The following FGFR2 variants were observed in gnomAD, a reference collection of about 807,000 sequenced individuals.
FGFR2 encodes the protein BEK fibroblast growth factor receptor.
Under a neutral mutation model 95.9 loss-of-function variants are expected in FGFR2, and 19 were observed. The ratio of observed to expected loss-of-function variants is 0.20; its 90% confidence interval spans 0.14 to 0.29. FGFR2 has a LOEUF of 0.29. Among genes scored for constraint, FGFR2 ranks in the 10% least tolerant of loss-of-function variants. The pLI is 1.00. For synonymous variants in FGFR2, 392 were observed against 393.3 expected, an observed-to-expected ratio of 1.00 and a Z score of 0.04; for missense variants, 707 against 1,056.9, an observed-to-expected ratio of 0.67 and a Z score of 4.59.
Position 121,593,722 on chromosome 10 carries a change from T to C in FGFR2, c.96A>G (p.Thr32=), listed in dbSNP as rs769369328. ...TAAATGACTTACCTTCTGGCTCTAA[T>C]GTGGTATCCTCAACTAAACTGAAGG... ...RPSFSLVEDT[T]LEPEEPPTKY... is the part of the protein sequence containing the mutation. The change falls in exon 2 of 18, where the codon ACA becomes ACG. Residue 32 remains threonine, a synonymous_variant. Transcript: ENST00000358487. 3.7e-6 allele frequency: 6 copies of C among 1,614,086 alleles called. No homozygotes were observed. The highest frequency in any genetic ancestry group is 5.1e-6 in the Non-Finnish European group (6 of 1,179,928).
intron 6 of FGFR2, among the ~76,000 whole-genome samples, chr10:121,524,209 C>T (rs534795092): frequency 3.2e-4 from 49 of 151,644 alleles, no homozygotes; most frequent in African/African-American, 1.1e-3. Flanking sequence ...AAATGTTACA[C>T]GCTTGCAGTC....
intron 2 of FGFR2, among the ~76,000 whole-genome samples, chr10:121,582,686 G>A (rs1861128593): frequency 2.0e-5 from 3 of 152,148 alleles, no homozygotes; most frequent in Non-Finnish European, 4.4e-5. Flanking sequence ...TAGACGCTGA[G>A]GCAGGAGAAT....
intron 2 of FGFR2, among the ~76,000 whole-genome samples, chr10:121,577,131 T>C (rs1202676749): frequency 8.5e-5 from 1 of 11,774 alleles, no homozygotes; most frequent in Non-Finnish European, 1.3e-4. Flanking sequence ...CGAGACTCCA[T>C]CTCAAAAAAA....
chr10:121,534,391 C>T (rs1480431933), intron 6 of FGFR2, among the ~76,000 whole-genome samples: 5 of 150,298 alleles, frequency 3.3e-5, no homozygotes, highest in South Asian at 2.1e-4. Flanking sequence ...GCCACCGCGC[C>T]CGGCTTTCTT....
At chr10:121,571,819 T>C (rs1590040879) in intron 2 of FGFR2, among the ~76,000 whole-genome samples, 2 of 151,810 alleles carry the variant, frequency 1.3e-5, no homozygotes, top group South Asian at 4.2e-4. Flanking sequence ...GGCGCATGCC[T>C]ATAGTCCCAG....
intron 9 of FGFR2, among the ~76,000 whole-genome samples, chr10:121,504,749 T>G (rs956345076): frequency 6.6e-6 from 1 of 152,196 alleles, no homozygotes; most frequent in African/African-American, 2.4e-5. Context: ...GTTACTTTCT[T>G]GTTTATCCTG....
chr10:121,577,815 A>T lies in FGFR2; in HGVS notation c.110-12111T>A, dbSNP rs535794377. 3.9e-5 allele frequency among the ~76,000 whole-genome samples: 6 copies of T among 152,082 alleles called. No individual in the cohort carries two copies. The South Asian group carries it at 1.2e-3, about 32-fold the overall frequency. On this transcript the variant is annotated intron_variant, in intron 2 of 17. Coordinates refer to ENST00000358487, the MANE Select transcript of FGFR2 (RefSeq NM_000141.5). Reference sequence around the variant, plus strand: ...CGGGGGGAGGAAATACATAACCTGGATGTCTACAGAGGTCGTATCCAAAAC... The same window carrying T: ...CGGGGGGAGGAAATACATAACCTGGTTGTCTACAGAGGTCGTATCCAAAAC...
rs1388251555 is a variant in FGFR2, at chr10:121,551,215, A to G, written c.624+75T>C. 6.3e-5 allele frequency: 97 copies of G among 1,540,402 alleles called. 2 individuals are homozygous for G. The highest frequency in any genetic ancestry group is 2.5e-4 in the South Asian group (22 of 88,122). On this transcript the variant is annotated intron_variant, in intron 5 of 17. Transcript: ENST00000358487. ...AGCCTGGGCGACAGAGCGAGACTCC[A>G]TCGCAAAAAAAAAATGTAAATAAAT... is the stretch of plus-strand genomic sequence containing the variant.
chr10:121,519,451 G>A (rs1850188299), intron 7 of FGFR2, among the ~76,000 whole-genome samples: 1 of 152,092 alleles, frequency 6.6e-6, no homozygotes, highest in Non-Finnish European at 1.5e-5. Flanking sequence ...GGATTTCAAA[G>A]GTCAGGGTTT....
At chr10:121,538,360 A>G (rs2134592937) in intron 6 of FGFR2, 1 of 794,402 alleles carries the variant, frequency 1.3e-6, no homozygotes, top group South Asian at 1.3e-5. Flanking sequence ...CTTTACACAG[A>G]TGACGCTTGG....
At chr10:121,489,184 T>C (rs1217895296) in intron 13 of FGFR2, among the ~76,000 whole-genome samples, 2 of 152,164 alleles carry the variant, frequency 1.3e-5, no homozygotes, top group African/African-American at 4.8e-5. Flanking sequence ...GCGATTCTCC[T>C]GCCTCAGCCT....
intron 9 of FGFR2, among the ~76,000 whole-genome samples, 194 bp downstream of exon 9, chr10:121,514,923 T>C (rs113312826): frequency 1.3e-5 from 2 of 152,164 alleles, no homozygotes; most frequent in African/African-American, 2.4e-5. Flanking sequence ...CTGGACCCCA[T>C]TGATCCAAGC....
chr10:121,567,573 A>G (rs1160300775), intron 2 of FGFR2, among the ~76,000 whole-genome samples: 1 of 152,258 alleles, frequency 6.6e-6, no homozygotes, highest in Non-Finnish European at 1.5e-5. Flanking sequence ...TGGGGGTGAC[A>G]GACGATAGAT....
intron 13 of FGFR2, among the ~76,000 whole-genome samples, chr10:121,490,154 C>CTTTTT (rs55633189): frequency 1.7e-4 from 14 of 80,022 alleles, no homozygotes; most frequent in African/African-American, 5.7e-4. Context: ...ACTTTTCCTT[C>CTTTTT]TTTTTTTTTT....
chr10:121,518,158 C>T lies in FGFR2; in HGVS notation c.940-695G>A, dbSNP rs899588831. 1.3e-5 allele frequency: 4 copies of T among 300,682 alleles called. No homozygotes were observed. The Admixed American group carries it at 1.9e-4, about 14-fold the overall frequency. 18.6% of individuals were successfully genotyped at this position (300,682 alleles called of 1,614,324 possible). A position where few individuals can be genotyped will look rare whatever the true frequency, so the allele number is the denominator to read the frequency against. ...TTGCCTTTAGTAGCGTCCAGTAGTA[C>T]ATTCATTAAGATGAGCTCCCCTCAA... On this transcript the variant is annotated intron_variant, in intron 7 of 17. Transcript: ENST00000358487. The surrounding 1 kb of genome is among the most constrained non-coding windows in gnomAD (Gnocchi z 4.0).
rs1850065149 is a variant in FGFR2 at position 121,518,792 on chromosome 10, G to A, written c.939+1187C>T. The A allele has an allele frequency of 6.2e-7, 1 of 1,614,150 alleles. No homozygotes were observed. The highest frequency in any genetic ancestry group is 2.2e-5 in the East Asian group (1 of 44,884). On this transcript the variant is annotated intron_variant, in intron 7 of 17. Transcript: ENST00000358487. This position sits in a 1 kb window ranked among gnomAD's most constrained non-coding sequence, Gnocchi z 4.0. ...ATCCGCCTCGGTCACATTGAACAGA[G>A]CCAGCACTTCTGCATTGGAACTATT...
chr10:121,592,145 TCA>T (rs1862748491), intron 2 of FGFR2, among the ~76,000 whole-genome samples: 1 of 152,182 alleles, frequency 6.6e-6, no homozygotes, highest in Admixed American at 6.5e-5. Flanking sequence ...CTCAGCTTCC[TCA>T]GTTTTTGCCG....
intron 6 of FGFR2, among the ~76,000 whole-genome samples, chr10:121,529,209 AG>A (rs1453779317): frequency 3.3e-5 from 5 of 152,208 alleles, no homozygotes; most frequent in Admixed American, 2.6e-4. Context: ...CCCACGTTCA[AG>A]TGATTCTCCT....
rs74160617 is a variant in FGFR2, at chr10:121,500,848, G to A, written c.1539C>T (p.Thr513=). 5.9e-4 allele frequency: 955 copies of A among 1,614,018 alleles called. 3 individuals are homozygous for A. In the African/African-American group the frequency reaches 8.2e-3, roughly 14 times the overall value. Residue 513 remains threonine, a synonymous_variant, in exon 11 of 18, where the codon ACC becomes ACT. Transcript: ENST00000358487. ...CACCTTTCAACATCTTCACGGCCAC[G>A]GTGACCGCCTCCTTGGGCTTGTCTT... ...IDKDKPKEAV[T]VAVKMLKDDA... is the part of the protein sequence containing the mutation.
Sources: gnomAD v4.1 joint callset for allele counts (sites outside exome capture counted in the v4.1 genomes callset) on GRCh38, gnomAD v4.1.1 for gene constraint, Gnocchi (gnomAD v3.1) non-coding constraint, MANE v1.5 for transcripts, NCBI Gene and HGNC (gene_info 2026-07-23, HGNC 2026-07-21) for gene names.